The following AREG variants were observed in gnomAD, a reference collection of about 807,000 sequenced individuals.
AREG encodes amphiregulin.
AREG carries 16 observed loss-of-function variants against 28.0 expected under a neutral mutation model. The ratio of observed to expected loss-of-function variants is 0.57; its 90% confidence interval spans 0.39 to 0.87. The LOEUF is 0.87. Ranked by LOEUF, AREG falls within the 40% of genes least tolerant of loss-of-function variation. AREG has a pLI of 0.00. For missense variants in AREG, 287 were observed against 309.1 expected (o/e 0.93, Z 0.53); for synonymous variants, 113 against 113.5 (o/e 1.00, Z 0.02).
At chr4:74,445,650 A>G (rs962372670) in intron 1 of AREG, among the ~76,000 whole-genome samples, 4 of 152,204 alleles carry the variant, frequency 2.6e-5, no homozygotes, top group African/African-American at 9.7e-5. Flanking sequence ...GACGGGAGAG[A>G]TCATTTGAAC....
intron 4 of AREG, 107 bp from the exon 5 acceptor site, chr4:74,452,436 TG>T: frequency 8.0e-7 from 1 of 1,249,720 alleles, no homozygotes; most frequent in Non-Finnish European, 1.2e-6. Flanking sequence ...TAGTGATTGC[TG>T]GTCTATCACT....
intron 4 of AREG, among the ~76,000 whole-genome samples, chr4:74,452,067 T>A (rs1719390028): frequency 6.6e-6 from 1 of 152,068 alleles, no homozygotes; most frequent in South Asian, 2.1e-4. Flanking sequence ...AATAATTGAG[T>A]TTTTAAAGTG....
At position 74,450,275 on chromosome 4, in the gene AREG, C is replaced by T; in HGVS notation, c.513-105C>T. 2.5e-6 allele frequency: 4 copies of T among 1,582,026 alleles called. No individual in the cohort carries two copies. The South Asian group carries it at 4.5e-5, about 18-fold the overall frequency. On this transcript the variant is annotated intron_variant, in intron 3 of 5. Coordinates refer to ENST00000395748, the MANE Select transcript of AREG (RefSeq NM_001657.4). ...TTTAAAATACGAGTATATGGCATAA[C>T]TTTTTTAATGTTGGAATTAAATGGT...
At chr4:74,454,617 T>A in intron 5 of AREG, 142 bp from the exon 6 acceptor site, 1 of 511,360 alleles carries the variant, frequency 2.0e-6, no homozygotes, top group Non-Finnish European at 3.4e-6. Flanking sequence ...TTAGCATTTC[T>A]CAAACGATGT....
intron 3 of AREG, 81 bp from the exon 4 acceptor site, chr4:74,450,299 G>A (rs1376031363): frequency 6.2e-7 from 1 of 1,608,630 alleles, no homozygotes; most frequent in African/African-American, 1.3e-5. Context: ...GAATTAAATG[G>A]TTCTTTATGA....
Position 74,454,864 on chromosome 4 carries a change from A to G in AREG, c.*124A>G. The G allele has an allele frequency of 1.4e-6, 1 of 699,424 alleles. No homozygotes were observed. Among genetic ancestry groups the G allele is most frequent in the South Asian group, 1.5e-5 (1 of 67,078 alleles). 43.3% of individuals were successfully genotyped at this position (699,424 alleles called of 1,614,324 possible). On this transcript the variant is annotated 3_prime_UTR_variant, in exon 6 of 6. Transcript: ENST00000395748. Reference sequence around the variant, plus strand: ...ACCCTTTTTGTTATGATGGTTTTAAACTTTCAATTGTCACTTTTTATGCTA... The same window carrying G: ...ACCCTTTTTGTTATGATGGTTTTAAGCTTTCAATTGTCACTTTTTATGCTA...
At chr4:74,448,220 C>CT (rs1719323122) in intron 2 of AREG, among the ~76,000 whole-genome samples, 1 of 152,156 alleles carries the variant, frequency 6.6e-6, no homozygotes, top group African/African-American at 2.4e-5. Flanking sequence ...CTGTCTTGTG[C>CT]TTTTTTATCG....
At chr4:74,447,715 C>A (rs1719316484) in intron 2 of AREG, among the ~76,000 whole-genome samples, 1 of 152,144 alleles carries the variant, frequency 6.6e-6, no homozygotes, top group Non-Finnish European at 1.5e-5. Flanking sequence ...TGGCTTCTCC[C>A]CCTCTTGTCT....
Position 74,449,126 on chromosome 4 carries a change from AGGCAAAAAT to A in AREG, c.393_401del (p.Gly134_Asn136del). 1 of 1,612,628 alleles carries A rather than the reference AGGCAAAAAT, an allele frequency of 6.2e-7. No individual in the cohort carries two copies. The highest frequency in any genetic ancestry group is 1.1e-5 in the South Asian group (1 of 90,858). On this transcript the variant is annotated inframe_deletion, in exon 3 of 6. Coordinates refer to ENST00000395748, the MANE Select transcript of AREG (RefSeq NM_001657.4). The stretch of plus-strand genomic sequence containing the variant: ...ATAAACCCAAAAGAAAGAAAAAGGG[AGGCAAAAAT>A]GGAAAAAATAGAAGAAACAGAAAGA...
chr4:74,450,669 T>G, intron 4 of AREG, 137 bp downstream of exon 4: 1 of 1,317,046 alleles, frequency 7.6e-7, no homozygotes, highest in Non-Finnish European at 1.0e-6. Flanking sequence ...ATTTTTATAT[T>G]TTATTGACAA....
rs1035254381 is a variant in AREG, at chr4:74,448,978, T to G, written c.311-69T>G. On this transcript the variant is annotated intron_variant, in intron 2 of 5. Coordinates refer to ENST00000395748, the MANE Select transcript of AREG (RefSeq NM_001657.4). ...TGTGAGCGCTCACTGCTATGACATC[T>G]TTCTCTCATGTCTCTAAAATTATAT... is the stretch of plus-strand genomic sequence containing the variant. 11 of 1,593,982 alleles carry G rather than the reference T, an allele frequency of 6.9e-6. No homozygotes were observed. The South Asian group carries it at 1.1e-4, about 16-fold the overall frequency.
At chr4:74,448,907 A>G in intron 2 of AREG, 140 bp from the exon 3 acceptor site, 1 of 1,222,536 alleles carries the variant, frequency 8.2e-7, no homozygotes. Context: ...GTCCTCTCTA[A>G]CTTTTATATT....
intron 2 of AREG, 83 bp downstream of exon 2, chr4:74,446,865 C>T: frequency 6.2e-7 from 1 of 1,607,200 alleles, no homozygotes; most frequent in Non-Finnish European, 8.5e-7. Context: ...AAGCTGCTCC[C>T]CAGATTTTCT....
chr4:74,445,254 C>A lies in AREG; in HGVS notation c.-92C>A, dbSNP rs1019732266. The A allele has an allele frequency of 1.0e-5, 16 of 1,554,080 alleles. 1 individual carries two copies. Among genetic ancestry groups the A allele is most frequent in the South Asian group, 4.7e-5 (4 of 84,224 alleles). ...GCGGCGCACACTCCCGGTCTCCACT[C>A]GCTCTTCCAACACCCGCTCGTTTTG... On this transcript the variant is annotated 5_prime_UTR_variant, in exon 1 of 6. Coordinates refer to ENST00000395748, the MANE Select transcript of AREG (RefSeq NM_001657.4).
At chr4:74,454,568 G>C (rs942645641) in intron 5 of AREG, among the ~76,000 whole-genome samples, 191 bp from the exon 6 acceptor site, 3 of 152,148 alleles carry the variant, frequency 2.0e-5, no homozygotes, top group African/African-American at 7.2e-5. Flanking sequence ...GTGTGAAAGA[G>C]GAACTCAAGC....
intron 5 of AREG, among the ~76,000 whole-genome samples, chr4:74,453,544 T>C (rs1719413318): frequency 6.6e-6 from 1 of 152,156 alleles, no homozygotes; most frequent in African/African-American, 2.4e-5. Context: ...GAAGGAACTT[T>C]ATTTCCTTAA....
At chr4:74,447,217 C>G (rs908868117) in intron 2 of AREG, among the ~76,000 whole-genome samples, 5 of 152,166 alleles carry the variant, frequency 3.3e-5, no homozygotes, top group African/African-American at 1.2e-4. Context: ...ATTAACCATT[C>G]CTATCTACTT....
chr4:74,454,555 C>A (rs1305078118), intron 5 of AREG, among the ~76,000 whole-genome samples: 1 of 152,050 alleles, frequency 6.6e-6, no homozygotes, highest in Admixed American at 6.6e-5. Context: ...ATAATCAAAG[C>A]AAGTGTGAAA....
chr4:74,446,402 T>C, intron 1 of AREG, 132 bp from the exon 2 acceptor site: 1 of 1,511,016 alleles, frequency 6.6e-7, no homozygotes, highest in Non-Finnish European at 9.1e-7. Context: ...TAGAAATGAC[T>C]CAATCACAAA....
Sources: allele counts gnomAD v4.1 joint callset (sites outside exome capture counted in the v4.1 genomes callset), GRCh38; gene constraint gnomAD v4.1.1; transcripts MANE v1.5; gene names NCBI Gene and HGNC (gene_info 2026-07-23, HGNC 2026-07-21).